BLMH: variants seen among roughly 807,000 people sequenced by gnomAD.
BLMH encodes the protein bleomycin hydrolase.
Under a neutral mutation model 61.6 loss-of-function variants are expected in BLMH, and 32 were observed. That is an observed-to-expected ratio of 0.52 (90% CI 0.39 to 0.70). The LOEUF is 0.70. Among genes scored for constraint, BLMH ranks in the 30% least tolerant of loss-of-function variants. The pLI is 0.00. For missense variants in BLMH, 460 were observed against 555.5 expected, an observed-to-expected ratio of 0.83 and a Z score of 1.73; for synonymous variants, 183 against 193.8, an observed-to-expected ratio of 0.94 and a Z score of 0.46.
chr17:30,290,010 C>A (rs1418794286), intron 2 of BLMH, among the ~76,000 whole-genome samples: 1 of 152,102 alleles, frequency 6.6e-6, no homozygotes, highest in East Asian at 1.9e-4. Flanking sequence ...CAAAACTTGA[C>A]AAATATACAA....
chr17:30,273,011 C>T lies in BLMH; in HGVS notation c.802-112G>A, dbSNP rs1353563923. 11 of 1,169,918 alleles carry T rather than the reference C, an allele frequency of 9.4e-6. No homozygotes were observed. The South Asian group carries it at 1.5e-4, about 16-fold the overall frequency. The allele number at this position is 1,169,918 out of a possible 1,614,324, so 72.5% of individuals were successfully genotyped here. A position where few individuals can be genotyped will look rare whatever the true frequency, so the allele number is the denominator to read the frequency against. Reference sequence around the variant, plus strand: ...CAAGCTCATCATCTCTGCCTACAAGCTAAGTACTACAGCCACATTGTTAAG... The same window carrying T: ...CAAGCTCATCATCTCTGCCTACAAGTTAAGTACTACAGCCACATTGTTAAG... On this transcript the variant is annotated intron_variant, in intron 7 of 11. Transcript: ENST00000261714.
chr17:30,291,796 C>T lies in BLMH; in HGVS notation c.13+11G>A. On this transcript the variant is annotated intron_variant, in intron 1 of 11. Coordinates refer to ENST00000261714, the MANE Select transcript of BLMH (RefSeq NM_000386.4). ...TCCAGAGGACCGCGGCGGGGGACGGCGGCACCTCACCCGAGCTGCTCATGG... is the reference window on the plus strand; with the variant it reads ...TCCAGAGGACCGCGGCGGGGGACGGTGGCACCTCACCCGAGCTGCTCATGG... 1 of 1,398,072 alleles carries T rather than the reference C, an allele frequency of 7.2e-7. No individual in the cohort carries two copies. The highest frequency in any genetic ancestry group is 9.3e-7 in the Non-Finnish European group (1 of 1,080,486). The allele number at this position is 1,398,072 out of a possible 1,614,324, so 86.6% of individuals were successfully genotyped here.
intron 11 of BLMH, among the ~76,000 whole-genome samples, chr17:30,264,969 T>C (rs1908060220): frequency 6.6e-6 from 1 of 152,212 alleles, no homozygotes; most frequent in African/African-American, 2.4e-5. Flanking sequence ...CTAATGTGTA[T>C]TTGTCTTAAA....
intron 11 of BLMH, among the ~76,000 whole-genome samples, chr17:30,257,040 C>A (rs934467736): frequency 2.0e-5 from 3 of 152,330 alleles, no homozygotes; most frequent in Middle Eastern, 3.4e-3. Context: ...TACAAATGCA[C>A]TTACCCTCTT....
rs757767115 is a variant in BLMH, at chr17:30,285,487, C to T, written c.553-7G>A. The T allele has an allele frequency of 6.2e-7, 1 of 1,600,136 alleles. No individual in the cohort carries two copies. The highest frequency in any genetic ancestry group is 8.5e-7 in the Non-Finnish European group (1 of 1,172,116). On this transcript the variant is annotated splice_region_variant and splice_polypyrimidine_tract_variant and intron_variant, in intron 5 of 11. Transcript: ENST00000261714. Reference sequence around the variant, plus strand: ...GTATACAGAATTCTCTCATCTATGACAGAAACTTATTCAGCACTCCAACAG... The same window carrying T: ...GTATACAGAATTCTCTCATCTATGATAGAAACTTATTCAGCACTCCAACAG...
chr17:30,254,508 C>T (rs1164459612), intron 11 of BLMH, among the ~76,000 whole-genome samples: 3 of 151,872 alleles, frequency 2.0e-5, no homozygotes, highest in African/African-American at 7.3e-5. Context: ...TGTGTAGCAA[C>T]ATGAAGAAAT....
chr17:30,290,785 CTTTTTTCTGTA>C, intron 2 of BLMH, among the ~76,000 whole-genome samples: 1 of 152,276 alleles, frequency 6.6e-6, no homozygotes, highest in Non-Finnish European at 1.5e-5. Flanking sequence ...GAGAACAGAA[CTTTTTTCTGTA>C]TTACAAACTG....
intron 6 of BLMH, among the ~76,000 whole-genome samples, chr17:30,277,429 G>A (rs1567837167): frequency 6.6e-6 from 1 of 152,226 alleles, no homozygotes; most frequent in Non-Finnish European, 1.5e-5. Flanking sequence ...CAATGACAAT[G>A]AAGGTGTACA....
intron 3 of BLMH, among the ~76,000 whole-genome samples, chr17:30,289,120 A>T (rs114973023): frequency 1.7e-4 from 26 of 152,356 alleles, no homozygotes; most frequent in African/African-American, 5.8e-4. Context: ...TATAAAATTT[A>T]AAATTTTAAA....
chr17:30,254,727 G>C (rs2143019684), intron 11 of BLMH, among the ~76,000 whole-genome samples: 1 of 152,168 alleles, frequency 6.6e-6, no homozygotes, highest in South Asian at 2.1e-4. Flanking sequence ...AAAAAGTCTT[G>C]GAAACATGAA....
intron 11 of BLMH, 84 bp from the exon 12 acceptor site, chr17:30,249,252 A>G: frequency 1.5e-6 from 2 of 1,377,692 alleles, no homozygotes; most frequent in Non-Finnish European, 2.0e-6. Flanking sequence ...AACCTTTTAC[A>G]AAACTAATAT....
Position 30,272,676 on chromosome 17 carries a change from C to T in BLMH, c.961-48G>A, listed in dbSNP as rs776814099. 2.5e-6 allele frequency: 4 copies of T among 1,613,980 alleles called. No homozygotes were observed. The South Asian group carries it at 4.4e-5, about 18-fold the overall frequency. ...GAAAGTCAACATAAACCCCATCTTC[C>T]TATTATACCAAAGAAGTAAAAGATG... On this transcript the variant is annotated intron_variant, in intron 8 of 11. Transcript: ENST00000261714.
chr17:30,253,864 C>T (rs1907741012), intron 11 of BLMH, among the ~76,000 whole-genome samples: 1 of 152,126 alleles, frequency 6.6e-6, no homozygotes, highest in Admixed American at 6.5e-5. Flanking sequence ...CAAAACACCT[C>T]AAACCAACCA....
At chr17:30,279,824 C>T (rs1183722178) in intron 6 of BLMH, among the ~76,000 whole-genome samples, 1 of 152,030 alleles carries the variant, frequency 6.6e-6, no homozygotes, top group African/African-American at 2.4e-5. Flanking sequence ...AAACAAATCT[C>T]CCTAGTGGAG....
chr17:30,253,653 G>A (rs76211573), intron 11 of BLMH, among the ~76,000 whole-genome samples: 180 of 152,170 alleles, frequency 1.2e-3, no homozygotes, highest in African/African-American at 3.9e-3. Flanking sequence ...CACACTGGCC[G>A]TGAGACACAA....
chr17:30,249,860 G>C (rs769367038), intron 11 of BLMH: 4 of 152,324 alleles, frequency 2.6e-5, no homozygotes, highest in African/African-American at 9.6e-5. Context: ...CCTTAGGAAG[G>C]CCTCTCCAGT....
At chr17:30,260,052 G>C (rs529209835) in intron 11 of BLMH, among the ~76,000 whole-genome samples, 2 of 152,260 alleles carry the variant, frequency 1.3e-5, no homozygotes, top group Admixed American at 1.3e-4. Flanking sequence ...AGCAATGGGA[G>C]CTAATATTTC....
chr17:30,267,134 T>C (rs534475445), intron 10 of BLMH, among the ~76,000 whole-genome samples, 180 bp from the exon 11 acceptor site: 18 of 152,280 alleles, frequency 1.2e-4, no homozygotes, highest in African/African-American at 4.3e-4. Flanking sequence ...TTTCCTACGA[T>C]CACTAAAGGG....
At position 30,280,297 on chromosome 17, in the gene BLMH, G is replaced by C. The variant is rs139325358; in HGVS notation, c.645+5091C>G. Among the ~76,000 whole-genome samples, 834 of 152,192 alleles carry C rather than the reference G, an allele frequency of 5.5e-3. 11 individuals carry two copies. Among genetic ancestry groups the C allele is most frequent in the African/African-American group, 0.018 (761 of 41,516 alleles). ...CTGTGTCTAATTTTACCTTTCCACT[G>C]TTAAGGCTAGAAGATTTCAGTGCTT... On this transcript the variant is annotated intron_variant, in intron 6 of 11. Transcript: ENST00000261714.
Sources: gnomAD v4.1 joint callset for allele counts (sites outside exome capture counted in the v4.1 genomes callset) on GRCh38, gnomAD v4.1.1 for gene constraint, MANE v1.5 for transcripts, NCBI Gene and HGNC (gene_info 2026-07-23, HGNC 2026-07-21) for gene names.